ZBTB7C: variants seen among roughly 807,000 people sequenced by gnomAD.
ZBTB7C encodes zinc finger and BTB domain containing 7C, also known as zinc finger and BTB domain-containing protein 7C.
Under a neutral mutation model 25.7 loss-of-function variants are expected in ZBTB7C, and 8 were observed. The observed-to-expected ratio is 0.31, with a 90% confidence interval of 0.18 to 0.56. The LOEUF (loss-of-function observed/expected upper bound fraction) is 0.56, where lower values mean the gene tolerates loss of function less well. ZBTB7C is among the 20% of genes least tolerant of loss of function. The pLI, the probability that ZBTB7C is intolerant of heterozygous loss-of-function variation, is 0.91. For synonymous variants in ZBTB7C, 394 were observed against 369.0 expected, an observed-to-expected ratio of 1.07 and a Z score of -0.78; for missense variants, 824 against 855.2, an observed-to-expected ratio of 0.96 and a Z score of 0.46.
At chr18:48,182,746 C>T (rs2041959962) in intron 3 of ZBTB7C, among the ~76,000 whole-genome samples, 2 of 152,120 alleles carry the variant, frequency 1.3e-5, no homozygotes, top group Admixed American at 1.3e-4. Flanking sequence ...AAAACTCACA[C>T]GGTGCTGACA....
chr18:48,188,169 T>C (rs964956618), intron 2 of ZBTB7C, among the ~76,000 whole-genome samples: 1 of 152,176 alleles, frequency 6.6e-6, no homozygotes, highest in Non-Finnish European at 1.5e-5. Context: ...AAGGACATAA[T>C]GGACAGTGTG....
At chr18:48,242,236 G>T (rs902421374) in intron 2 of ZBTB7C, among the ~76,000 whole-genome samples, 1 of 152,198 alleles carries the variant, frequency 6.6e-6, no homozygotes, top group Non-Finnish European at 1.5e-5. Flanking sequence ...TCTAGGACAA[G>T]ATGGATTCAC....
At chr18:48,077,194 G>A (rs75979879) in intron 3 of ZBTB7C, among the ~76,000 whole-genome samples, 8,510 of 151,848 alleles carry the variant, frequency 0.056, 305 homozygotes, top group Middle Eastern at 0.1. Flanking sequence ...TCGGCTAGAG[G>A]GTACAAACTT....
At chr18:48,136,952 C>G (rs1225238216) in intron 3 of ZBTB7C, 197 of 792,306 alleles carry the variant, frequency 2.5e-4, no homozygotes, top group Middle Eastern at 6.4e-4. Context: ...GGCCGCTGGG[C>G]TCCCCAGAGC....
chr18:48,381,266 G>A (rs2047628262), intron 1 of ZBTB7C, among the ~76,000 whole-genome samples: 1 of 152,152 alleles, frequency 6.6e-6, no homozygotes, highest in South Asian at 2.1e-4. Context: ...AGAATCCCAG[G>A]TATGATGGTA....
chr18:48,375,896 T>C (rs1193354807), intron 1 of ZBTB7C, among the ~76,000 whole-genome samples: 1 of 152,246 alleles, frequency 6.6e-6, no homozygotes, highest in Non-Finnish European at 1.5e-5. Context: ...AATTCTGCCA[T>C]CAACTACTAG....
At chr18:48,325,108 G>C (rs527740521) in intron 2 of ZBTB7C, among the ~76,000 whole-genome samples, 1 of 152,252 alleles carries the variant, frequency 6.6e-6, no homozygotes, top group Admixed American at 6.5e-5. Context: ...TGACTGATTG[G>C]TCTACTAACT....
At chr18:48,144,769 G>C (rs1322526139) in intron 3 of ZBTB7C, among the ~76,000 whole-genome samples, 5 of 152,172 alleles carry the variant, frequency 3.3e-5, no homozygotes, top group African/African-American at 1.2e-4. Flanking sequence ...TCCCGATTGA[G>C]GGATTGGGGA....
chr18:48,143,772 A>G (rs1371347235), intron 3 of ZBTB7C, among the ~76,000 whole-genome samples: 11 of 152,190 alleles, frequency 7.2e-5, no homozygotes, highest in Non-Finnish European at 4.4e-5. Context: ...CTTCTGCAAG[A>G]ATCCTGTTAA....
chr18:48,286,918 G>C (rs1029509629), intron 2 of ZBTB7C, among the ~76,000 whole-genome samples: 2 of 152,094 alleles, frequency 1.3e-5, no homozygotes, highest in East Asian at 3.9e-4. Context: ...TGGGCATGGT[G>C]GCGCACACCT....
At chr18:48,177,577 G>A (rs770000514) in intron 3 of ZBTB7C, among the ~76,000 whole-genome samples, 31 of 152,214 alleles carry the variant, frequency 2.0e-4, no homozygotes, top group Non-Finnish European at 3.8e-4. Context: ...GTGTGTATAC[G>A]CATGTGTGTG....
At chr18:48,406,479 A>C (rs9948160) in intron 1 of ZBTB7C, among the ~76,000 whole-genome samples, 6,594 of 152,230 alleles carry the variant, frequency 0.043, 455 homozygotes, top group African/African-American at 0.15. Flanking sequence ...TCCCTCTGTA[A>C]TATGAACAAA....
At chr18:48,112,790 C>T (rs1476997260) in intron 3 of ZBTB7C, among the ~76,000 whole-genome samples, 1 of 152,198 alleles carries the variant, frequency 6.6e-6, no homozygotes, top group East Asian at 1.9e-4. Context: ...GAAGAAAATA[C>T]TAAGACTACC....
intron 2 of ZBTB7C, among the ~76,000 whole-genome samples, chr18:48,209,917 T>G (rs1479099810): frequency 2.0e-5 from 3 of 152,162 alleles, no homozygotes; most frequent in Non-Finnish European, 2.9e-5. Context: ...GAAAATCATA[T>G]ATATCTGATA....
At chr18:48,294,107 G>A (rs1421846058) in intron 2 of ZBTB7C, among the ~76,000 whole-genome samples, 1 of 152,228 alleles carries the variant, frequency 6.6e-6, no homozygotes, top group Non-Finnish European at 1.5e-5. Flanking sequence ...TGCTGGCGTG[G>A]TTCAGCATGC....
chr18:48,140,266 C>T (rs866703910), intron 3 of ZBTB7C, among the ~76,000 whole-genome samples: 11 of 152,246 alleles, frequency 7.2e-5, no homozygotes, highest in Middle Eastern at 6.3e-3. Flanking sequence ...TCTGCACACA[C>T]GTGCATAAAG....
At chr18:48,278,096 CTGGCCA>C (rs1256878193) in intron 2 of ZBTB7C, among the ~76,000 whole-genome samples, 1 of 152,308 alleles carries the variant, frequency 6.6e-6, no homozygotes, top group Non-Finnish European at 1.5e-5. Flanking sequence ...TGAATCTGGA[CTGGCCA>C]TGAGGTTTGT....
intron 2 of ZBTB7C, among the ~76,000 whole-genome samples, chr18:48,282,993 C>G (rs2144645790): frequency 6.6e-6 from 1 of 152,148 alleles, no homozygotes; most frequent in Non-Finnish European, 1.5e-5. Flanking sequence ...TGTACATTTT[C>G]TATGTAGCTA....
chr18:48,136,022 G>A (rs1568246696), intron 3 of ZBTB7C, among the ~76,000 whole-genome samples: 1 of 152,226 alleles, frequency 6.6e-6, no homozygotes. Context: ...CGACCCTGGA[G>A]CCCTCACCAC....
Sources: allele counts gnomAD v4.1 joint callset (sites outside exome capture counted in the v4.1 genomes callset), GRCh38; gene constraint gnomAD v4.1.1; transcripts MANE v1.5; gene names NCBI Gene and HGNC (gene_info 2026-07-23, HGNC 2026-07-21).